The following CHIA variants were observed in gnomAD, a reference collection of about 807,000 sequenced individuals.
The protein encoded by CHIA is chitinase acidic.
Under a neutral mutation model 53.5 loss-of-function variants are expected in CHIA, and 47 were observed. The ratio of observed to expected loss-of-function variants is 0.88; its 90% CI spans 0.70 to 1.12. The LOEUF (loss-of-function observed/expected upper bound fraction) is 1.12, where lower values mean the gene tolerates loss of function less well. CHIA is among the 50% of genes most tolerant of loss of function. The probability of loss-of-function intolerance (pLI) is 0.00; values close to 1 mark genes in which losing one functional copy is unlikely to be tolerated. For missense variants in CHIA, 652 were observed against 592.2 expected, an observed-to-expected ratio of 1.10 and a Z score of -1.05; for synonymous variants, 268 against 222.2, an observed-to-expected ratio of 1.21 and a Z score of -1.83.
chr1:111,319,880 A>T (rs10857875), intron 11 of CHIA, among the ~76,000 whole-genome samples: 1 of 152,042 alleles, frequency 6.6e-6, no homozygotes, highest in Non-Finnish European at 1.5e-5. Context: ...AATTTTTTCC[A>T]GATTTTTCCT....
intron 5 of CHIA, chr1:111,315,034 G>T (rs897714818): frequency 2.4e-5 from 11 of 460,956 alleles, no homozygotes; most frequent in East Asian, 1.1e-4. Flanking sequence ...AAGAAACAAG[G>T]GCAACTTGGG....
chr1:111,305,888 A>G (rs1648140950), intron 1 of CHIA, among the ~76,000 whole-genome samples: 1 of 152,258 alleles, frequency 6.6e-6, no homozygotes. Context: ...AATCATGTTT[A>G]GTGATATTGC....
rs542945320 is a variant in CHIA, at chr1:111,310,349, G to C, written c.-68-51G>C. 351 of 1,557,962 alleles carry C rather than the reference G, an allele frequency of 2.3e-4. 5 individuals carry two copies. In the African/African-American group the frequency reaches 4.3e-3, roughly 19 times the overall value. On this transcript the variant is annotated intron_variant, in intron 1 of 11. Coordinates refer to ENST00000369740, the MANE Select transcript of CHIA (RefSeq NM_201653.4). ...GTGTTTGTAGAAGAGAAGGTCCGTT[G>C]ATTTACTGATTAACTACATACACAT...
chr1:111,306,489 T>C (rs1177161190), intron 1 of CHIA, among the ~76,000 whole-genome samples: 1 of 152,140 alleles, frequency 6.6e-6, no homozygotes, highest in Non-Finnish European at 1.5e-5. Flanking sequence ...AAAGGTGACA[T>C]TTAAAATTTT....
chr1:111,315,981 G>T (rs2786158), intron 6 of CHIA: 171,311 of 396,876 alleles, frequency 0.43, 38,042 homozygotes, highest in South Asian at 0.55. Context: ...ATGAACAATG[G>T]CAATGCATTG....
chr1:111,307,355 C>A (rs936589279), intron 1 of CHIA, among the ~76,000 whole-genome samples: 2 of 152,074 alleles, frequency 1.3e-5, no homozygotes, highest in Non-Finnish European at 2.9e-5. Flanking sequence ...TAGAAGAATG[C>A]ATATGGTATT....
chr1:111,311,776 T>G, intron 3 of CHIA, 58 bp downstream of exon 3: 2 of 1,569,010 alleles, frequency 1.3e-6, no homozygotes, highest in South Asian at 2.2e-5. Context: ...TAAACCATAC[T>G]ATGGAAAGAG....
intron 1 of CHIA, among the ~76,000 whole-genome samples, chr1:111,301,793 C>A (rs1647765835): frequency 6.6e-6 from 1 of 150,658 alleles, no homozygotes; most frequent in Non-Finnish European, 1.5e-5. Flanking sequence ...TCTCAGCAAA[C>A]TATCACAAGG....
intron 4 of CHIA, among the ~76,000 whole-genome samples, chr1:111,314,149 G>A (rs768340399): frequency 2.0e-5 from 3 of 152,170 alleles, no homozygotes; most frequent in Admixed American, 6.5e-5. Flanking sequence ...AAGAGAATGT[G>A]TATAATTTCA....
At chr1:111,308,956 T>C (rs1319111399) in intron 1 of CHIA, among the ~76,000 whole-genome samples, 2 of 152,220 alleles carry the variant, frequency 1.3e-5, no homozygotes, top group Non-Finnish European at 1.5e-5. Context: ...TAGGCACTTG[T>C]AGTGTTTGTT....
At chr1:111,301,848 G>A (rs1441277988) in intron 1 of CHIA, among the ~76,000 whole-genome samples, 1 of 151,436 alleles carries the variant, frequency 6.6e-6, no homozygotes, top group East Asian at 1.9e-4. Context: ...GGTGTAAATT[G>A]AACAATGAAA....
intron 1 of CHIA, among the ~76,000 whole-genome samples, chr1:111,293,521 T>C (rs765106293): frequency 6.6e-6 from 1 of 152,224 alleles, no homozygotes; most frequent in African/African-American, 2.4e-5. Flanking sequence ...AAATATTTTC[T>C]ACCATTCCGT....
chr1:111,293,630 G>T (rs1661161256), intron 1 of CHIA, among the ~76,000 whole-genome samples: 1 of 152,164 alleles, frequency 6.6e-6, no homozygotes, highest in African/African-American at 2.4e-5. Context: ...TGTTGTCTGT[G>T]ATTTAGGTGT....
chr1:111,309,192 T>A (rs1049887157), intron 1 of CHIA, among the ~76,000 whole-genome samples: 5 of 152,146 alleles, frequency 3.3e-5, no homozygotes, highest in Non-Finnish European at 5.9e-5. Context: ...AAAATAAAAA[T>A]TTTTCCTGGC....
rs776808367 is a variant in CHIA at position 111,314,518 on chromosome 1, G to C, written c.258-22G>C. The C allele has an allele frequency of 1.2e-5, 18 of 1,562,446 alleles. No individual in the cohort carries two copies. In the South Asian group the frequency reaches 1.9e-4, roughly 16 times the overall value. Reference sequence around the variant, plus strand: ...GAGTCCTGACTTTTGAAGTTTATCTGTTTCTATCCTTTGTTTTACAGGAAC... The same window carrying C: ...GAGTCCTGACTTTTGAAGTTTATCTCTTTCTATCCTTTGTTTTACAGGAAC... On this transcript the variant is annotated intron_variant, in intron 4 of 11. Coordinates refer to ENST00000369740, the MANE Select transcript of CHIA (RefSeq NM_201653.4).
Position 111,290,867 on chromosome 1 carries a change from C to CTT in CHIA, c.-151_-150insTT. On this transcript the variant is annotated 5_prime_UTR_variant, in exon 1 of 12. It introduces an in-frame stop codon into an upstream open reading frame of the 5' UTR. Coordinates refer to ENST00000369740, the MANE Select transcript of CHIA (RefSeq NM_201653.4). ...AGACGGTGCCAAAGCTTCATGAAAC[C>CTT]TCCTCGTCTGTGCACGAACAGGTGG... 2.7e-6 allele frequency: 1 copy of CTT among 367,622 alleles called. No individual in the cohort carries two copies. Among genetic ancestry groups the CTT allele is most frequent in the Non-Finnish European group, 5.6e-6 (1 of 179,166 alleles). 22.8% of individuals were successfully genotyped at this position (367,622 alleles called of 1,614,324 possible).
chr1:111,319,910 T>C lies in CHIA; in HGVS notation c.1178-303T>C, dbSNP rs147734904. ...TTTCCTAGAATTTATTTGTTCACCA[T>C]TTATGCCCAGATTCTAGAAAAGTGT... On this transcript the variant is annotated intron_variant, in intron 11 of 11. Coordinates refer to ENST00000369740, the MANE Select transcript of CHIA (RefSeq NM_201653.4). Among the ~76,000 whole-genome samples the C allele has an allele frequency of 6.3e-3, 966 of 152,372 alleles. 7 individuals are homozygous for C. The highest frequency in any genetic ancestry group is 0.022 in the African/African-American group (903 of 41,582).
chr1:111,303,732 T>A (rs968409555), intron 1 of CHIA, among the ~76,000 whole-genome samples: 17 of 152,184 alleles, frequency 1.1e-4, no homozygotes, highest in Non-Finnish European at 2.9e-5. Context: ...TTGAAATGCA[T>A]TTGTCTCTTA....
At chr1:111,312,069 C>A in intron 3 of CHIA, 121 bp from the exon 4 acceptor site, 2 of 757,092 alleles carry the variant, frequency 2.6e-6, no homozygotes, top group Non-Finnish European at 4.6e-6. Context: ...ATACTAATTA[C>A]CTCCACACAG....
Sources: allele counts gnomAD v4.1 joint callset (sites outside exome capture counted in the v4.1 genomes callset), GRCh38; gene constraint gnomAD v4.1.1; transcripts MANE v1.5; gene names NCBI Gene and HGNC (gene_info 2026-07-23, HGNC 2026-07-21).